The following MAGI1 variants were observed in gnomAD, a reference collection of about 807,000 sequenced individuals.
The protein encoded by MAGI1 is membrane associated guanylate kinase, WW and PDZ domain containing 1.
MAGI1 carries 58 observed loss-of-function variants against 139.9 expected under a neutral mutation model. That is an observed-to-expected ratio of 0.41 (90% confidence interval 0.34 to 0.52). The LOEUF (loss-of-function observed/expected upper bound fraction) is 0.52, where lower values mean the gene tolerates loss of function less well. MAGI1 is among the 20% of genes least tolerant of loss of function. MAGI1 has a pLI of 0.12. For missense variants in MAGI1, 1,874 were observed against 1,901.6 expected, an observed-to-expected ratio of 0.99 and a Z score of 0.27; for synonymous variants, 812 against 737.9, an observed-to-expected ratio of 1.10 and a Z score of -1.63.
At chr3:65,493,974 C>T (rs1037437346) in intron 2 of MAGI1, among the ~76,000 whole-genome samples, 2 of 152,192 alleles carry the variant, frequency 1.3e-5, no homozygotes, top group African/African-American at 4.8e-5. Flanking sequence ...GCAGCTTTTA[C>T]GACTCCAGTA....
chr3:65,838,517 C>G (rs1427119300), intron 1 of MAGI1, among the ~76,000 whole-genome samples: 3 of 152,128 alleles, frequency 2.0e-5, no homozygotes, highest in Non-Finnish European at 4.4e-5. Flanking sequence ...TTTTTCGTCA[C>G]TCAGCATAAT....
In MAGI1 at chr3:65,950,087, A is replaced by C. The variant is rs1215313630; in HGVS notation, c.313+87909T>G. ...AAAAACAAAAAAAAAACAAAAAAAA[A>C]AACAAACAAAAAAAAAAAACAGAAC... is the stretch of plus-strand genomic sequence containing the variant. On this transcript the variant is annotated intron_variant, in intron 1 of 22. Coordinates refer to ENST00000402939, the MANE Select transcript of MAGI1 (RefSeq NM_001033057.2). Among the ~76,000 whole-genome samples the C allele has an allele frequency of 9.1e-3, 644 of 70,390 alleles. 35 individuals carry two copies. The highest frequency in any genetic ancestry group is 0.015 in the Admixed American group (104 of 7,126). 46.2% of individuals were successfully genotyped at this position (70,390 alleles called of 152,430 possible).
intron 1 of MAGI1, among the ~76,000 whole-genome samples, chr3:65,782,385 G>A (rs2108014532): frequency 6.6e-6 from 1 of 152,164 alleles, no homozygotes; most frequent in Admixed American, 6.5e-5. Flanking sequence ...CTCCCATAAA[G>A]CCTTAGGAAG....
At chr3:65,943,052 T>C (rs2063386994) in intron 1 of MAGI1, among the ~76,000 whole-genome samples, 1 of 152,168 alleles carries the variant, frequency 6.6e-6, no homozygotes, top group South Asian at 2.1e-4. Flanking sequence ...ATGTTCACAA[T>C]ACTGTTTATA....
chr3:65,364,225 C>G (rs1322456050), intron 20 of MAGI1, among the ~76,000 whole-genome samples: 2 of 150,190 alleles, frequency 1.3e-5, no homozygotes, highest in African/African-American at 2.4e-5. Context: ...ACCCAAAGTT[C>G]CTCAAATTTG....
chr3:65,679,002 T>G (rs1276850397), intron 1 of MAGI1, among the ~76,000 whole-genome samples: 2 of 152,206 alleles, frequency 1.3e-5, no homozygotes, highest in African/African-American at 4.8e-5. Context: ...AATCCTTTTT[T>G]ACTTCCGTGT....
At chr3:66,011,382 C>T (rs1019062540) in intron 1 of MAGI1, among the ~76,000 whole-genome samples, 2 of 152,164 alleles carry the variant, frequency 1.3e-5, no homozygotes, top group African/African-American at 4.8e-5. Flanking sequence ...GATGTGTGTT[C>T]TTGGTCATGT....
chr3:65,494,540 GA>G (rs570232226), intron 2 of MAGI1, among the ~76,000 whole-genome samples: 4 of 151,736 alleles, frequency 2.6e-5, no homozygotes, highest in South Asian at 4.2e-4. Flanking sequence ...ATTATGAGAC[GA>G]AAAAAAAGAG....
At chr3:65,374,006 G>C (rs1214781356) in intron 18 of MAGI1, among the ~76,000 whole-genome samples, 2 of 152,126 alleles carry the variant, frequency 1.3e-5, no homozygotes, top group East Asian at 3.9e-4. Flanking sequence ...CTTTCTAGCA[G>C]TTAGTATATA....
chr3:65,909,718 A>G (rs1168024910), intron 1 of MAGI1, among the ~76,000 whole-genome samples: 4 of 152,168 alleles, frequency 2.6e-5, no homozygotes, highest in Non-Finnish European at 2.9e-5. Context: ...AAAAATGTAA[A>G]AAGAAAAGAA....
intron 1 of MAGI1, among the ~76,000 whole-genome samples, chr3:65,966,000 T>A (rs528747313): frequency 1.3e-5 from 2 of 152,304 alleles, no homozygotes; most frequent in South Asian, 4.2e-4. Flanking sequence ...TTCTCAGAGA[T>A]AGAAGACGGT....
chr3:65,563,638 CCAAA>C (rs973922013), intron 2 of MAGI1, among the ~76,000 whole-genome samples: 2 of 152,092 alleles, frequency 1.3e-5, no homozygotes, highest in African/African-American at 4.8e-5. Context: ...TGAGAGTGGA[CCAAA>C]CAGTCAAATC....
chr3:65,561,186 C>CTA (rs2080329402), intron 2 of MAGI1, among the ~76,000 whole-genome samples: 1 of 152,148 alleles, frequency 6.6e-6, no homozygotes, highest in African/African-American at 2.4e-5. Context: ...AATGTGACAG[C>CTA]TATCTTCTTT....
intron 12 of MAGI1, among the ~76,000 whole-genome samples, chr3:65,414,002 C>T (rs898562102): frequency 3.3e-5 from 5 of 152,208 alleles, no homozygotes; most frequent in Non-Finnish European, 7.3e-5. Context: ...AAGTCAACAA[C>T]TTTCTCACTG....
rs148037229 is a variant in MAGI1, at chr3:66,038,710, C to T, written c.-402G>A. Reference sequence around the variant, plus strand: ...CTCCCGCCCGGCTCGCCTCTCCTCGCTGGCAGGCTGTTACTGAGGGTGAGG... The same window carrying T: ...CTCCCGCCCGGCTCGCCTCTCCTCGTTGGCAGGCTGTTACTGAGGGTGAGG... On this transcript the variant is annotated 5_prime_UTR_variant, in exon 1 of 23. Coordinates refer to ENST00000402939, the MANE Select transcript of MAGI1 (RefSeq NM_001033057.2). 0.013 allele frequency: 2,302 copies of T among 173,998 alleles called. 73 individuals carry two copies. Among genetic ancestry groups the T allele is most frequent in the African/African-American group, 0.051 (2,171 of 42,266 alleles). The allele number at this position is 173,998 out of a possible 1,614,324, so 10.8% of individuals were successfully genotyped here.
At chr3:65,653,857 T>C (rs2107330375) in intron 1 of MAGI1, among the ~76,000 whole-genome samples, 1 of 152,310 alleles carries the variant, frequency 6.6e-6, no homozygotes, top group South Asian at 2.1e-4. Flanking sequence ...ACTTACCATG[T>C]GACTCCAGTA....
chr3:65,978,621 C>CTTTTTTTTTTTTTTT (rs373662388), intron 1 of MAGI1, among the ~76,000 whole-genome samples: 3 of 129,172 alleles, frequency 2.3e-5, no homozygotes, highest in Non-Finnish European at 3.1e-5. Flanking sequence ...CTCAAAATTT[C>CTTTTTTTTTTTTTTT]TTTTTTTTTT....
chr3:65,926,359 C>G (rs910315015), intron 1 of MAGI1, among the ~76,000 whole-genome samples: 1 of 151,468 alleles, frequency 6.6e-6, no homozygotes, highest in Non-Finnish European at 1.5e-5. Context: ...CTCTCTCTCT[C>G]TCTCTCTCTC....
At chr3:66,022,803 T>A (rs779168648) in intron 1 of MAGI1, among the ~76,000 whole-genome samples, 1 of 151,872 alleles carries the variant, frequency 6.6e-6, no homozygotes, top group Admixed American at 6.6e-5. Context: ...GTACCTAGAG[T>A]TCACTTAGGG....
Sources: allele counts gnomAD v4.1 joint callset (sites outside exome capture counted in the v4.1 genomes callset), GRCh38; gene constraint gnomAD v4.1.1; transcripts MANE v1.5; gene names NCBI Gene and HGNC (gene_info 2026-07-23, HGNC 2026-07-21).